The following ALKAL1 variants were observed in gnomAD, a reference collection of about 807,000 sequenced individuals.
The protein encoded by ALKAL1 is ALK and LTK ligand 1.
A neutral mutation model predicts 13.5 loss-of-function variants in ALKAL1; 23 were observed. The observed-to-expected ratio is 1.70, with a 90% CI of 1.23 to 2.41. ALKAL1 has a LOEUF of 2.41. Ranked by LOEUF, ALKAL1 falls within the 30% of genes most tolerant of loss-of-function variation. ALKAL1 has a pLI of 0.00. For missense variants in ALKAL1, 181 were observed against 178.4 expected (o/e 1.01, Z -0.08); for synonymous variants, 85 against 77.7 (o/e 1.09, Z -0.49).
chr8:52,547,465 A>C (rs1191378057), intron 1 of ALKAL1, among the ~76,000 whole-genome samples: 1 of 152,200 alleles, frequency 6.6e-6, no homozygotes, highest in Non-Finnish European at 1.5e-5. Context: ...GCACCACTGC[A>C]CTCCAGCCTG....
At position 52,534,578 on chromosome 8, in the gene ALKAL1, A is replaced by G. The variant is rs1847249568; in HGVS notation, c.*35T>C. ...ATTTGAGGCACTTTTTCTTCAAATT[A>G]GATGTACATTCTTAGGAAATGTCTG... On this transcript the variant is annotated 3_prime_UTR_variant, in exon 5 of 5. Transcript: ENST00000358543. 2 of 602,818 alleles carry G rather than the reference A, an allele frequency of 3.3e-6. No homozygotes were observed. The highest frequency in any genetic ancestry group is 2.1e-5 in the South Asian group (1 of 47,988). The allele number at this position is 602,818 out of a possible 1,614,324, so 37.3% of individuals were successfully genotyped here. A position where few individuals can be genotyped will look rare whatever the true frequency, so the allele number is the denominator to read the frequency against.
intron 2 of ALKAL1, among the ~76,000 whole-genome samples, chr8:52,540,824 C>T (rs974117954): frequency 3.9e-5 from 6 of 152,264 alleles, no homozygotes; most frequent in East Asian, 1.9e-4. Context: ...ACGGTCATGT[C>T]GCTCACAACT....
intron 1 of ALKAL1, among the ~76,000 whole-genome samples, chr8:52,555,198 C>T (rs1475981956): frequency 1.3e-5 from 2 of 151,432 alleles, no homozygotes; most frequent in Non-Finnish European, 2.9e-5. Flanking sequence ...AGATAAAGGC[C>T]GACAAATGCC....
chr8:52,564,852 C>A (rs1054238671), intron 1 of ALKAL1, among the ~76,000 whole-genome samples: 3 of 152,194 alleles, frequency 2.0e-5, no homozygotes, highest in Non-Finnish European at 4.4e-5. Context: ...GAAAGCTGAT[C>A]CCATTGCCAG....
chr8:52,559,271 T>C (rs1847515018), intron 1 of ALKAL1, among the ~76,000 whole-genome samples: 1 of 152,268 alleles, frequency 6.6e-6, no homozygotes, highest in South Asian at 2.1e-4. Flanking sequence ...TTCCCAAAGC[T>C]GGTAGACCAA....
chr8:52,556,552 C>G (rs974486721), intron 1 of ALKAL1, among the ~76,000 whole-genome samples: 6 of 141,970 alleles, frequency 4.2e-5, no homozygotes, highest in African/African-American at 1.6e-4. Context: ...GAGGCTGAGG[C>G]AGGAGAATGG....
rs1235462978 is a variant in ALKAL1, at chr8:52,539,852, T to C, written c.304A>G (p.Arg102Gly). ...TTACAAGCTGGCGTTGAGCACTCCC[T>C]GGTATTGTAATAGAGTCGGTGGAAA... is the stretch of plus-strand genomic sequence containing the variant. ...KHFHRLYYNTRECSTPAYYKR... is the reference protein window; with the variant it reads ...KHFHRLYYNTGECSTPAYYKR... The change falls in exon 3 of 5, where the codon AGG becomes GGG. Residue 102 changes from arginine to glycine, a missense_variant. Arg to Gly is a moderately radical substitution (Grantham distance 125). Transcript: ENST00000358543. The C allele has an allele frequency of 1.2e-6, 2 of 1,612,534 alleles. No homozygotes were observed. Among genetic ancestry groups the C allele is most frequent in the East Asian group, 2.2e-5 (1 of 44,854 alleles).
intron 1 of ALKAL1, among the ~76,000 whole-genome samples, chr8:52,549,937 A>G (rs946142511): frequency 1.3e-5 from 2 of 152,154 alleles, no homozygotes; most frequent in South Asian, 2.1e-4. Flanking sequence ...GTGAGACTCC[A>G]TCTCAAAAAT....
At chr8:52,534,639 G>A in intron 4 of ALKAL1, 39 bp from the exon 5 acceptor site, 1 of 565,842 alleles carries the variant, frequency 1.8e-6, no homozygotes, top group Non-Finnish European at 3.1e-6. Flanking sequence ...TTTATGACCT[G>A]GTTTTTAGAA....
chr8:52,537,769 C>G (rs971131273), intron 4 of ALKAL1, among the ~76,000 whole-genome samples: 6 of 150,928 alleles, frequency 4.0e-5, no homozygotes, highest in South Asian at 2.1e-4. Context: ...AAAAAAAAAG[C>G]TCATAGAAGT....
chr8:52,537,624 G>A (rs1426593838), intron 4 of ALKAL1, among the ~76,000 whole-genome samples: 3 of 152,046 alleles, frequency 2.0e-5, no homozygotes, highest in East Asian at 3.9e-4. Flanking sequence ...TATACACAAC[G>A]GAATACTATT....
intron 4 of ALKAL1, among the ~76,000 whole-genome samples, chr8:52,536,041 C>A (rs563124303): frequency 1.3e-5 from 2 of 152,242 alleles, no homozygotes; most frequent in Non-Finnish European, 2.9e-5. Flanking sequence ...TGGGTTCAAG[C>A]GATTCTCCTG....
chr8:52,542,511 A>G, intron 1 of ALKAL1, 66 bp from the exon 2 acceptor site: 1 of 971,780 alleles, frequency 1.0e-6, no homozygotes, highest in Non-Finnish European at 1.6e-6. Context: ...AATATCCTTA[A>G]TATGCTAATT....
chr8:52,538,685 C>T (rs1199816118), intron 3 of ALKAL1, among the ~76,000 whole-genome samples, 178 bp from the exon 4 acceptor site: 1 of 152,050 alleles, frequency 6.6e-6, no homozygotes, highest in Non-Finnish European at 1.5e-5. Context: ...CGGGAAGGTG[C>T]TATTCCTATC....
intron 4 of ALKAL1, among the ~76,000 whole-genome samples, chr8:52,536,405 T>C (rs553784367): frequency 5.9e-5 from 9 of 152,360 alleles, no homozygotes; most frequent in Admixed American, 5.2e-4. Context: ...TACCTTTCAG[T>C]ATTTTGTATA....
chr8:52,543,819 C>T (rs565791510), intron 1 of ALKAL1, among the ~76,000 whole-genome samples: 1 of 152,252 alleles, frequency 6.6e-6, no homozygotes, highest in African/African-American at 2.4e-5. Flanking sequence ...ACAGCAGAAG[C>T]ACCTACTGTG....
At chr8:52,539,997 C>A in intron 2 of ALKAL1, 86 bp from the exon 3 acceptor site, 4 of 1,132,118 alleles carry the variant, frequency 3.5e-6, no homozygotes, top group Non-Finnish European at 5.2e-6. Flanking sequence ...GGATATAATA[C>A]AACAGCACTT....
At chr8:52,552,822 A>G (rs1847442641) in intron 1 of ALKAL1, among the ~76,000 whole-genome samples, 1 of 151,840 alleles carries the variant, frequency 6.6e-6, no homozygotes, top group Non-Finnish European at 1.5e-5. Flanking sequence ...ATTTCTTACT[A>G]TTTTCTGTCC....
chr8:52,554,418 CAACTGGGA>C (rs1847461320), intron 1 of ALKAL1, among the ~76,000 whole-genome samples: 3 of 152,286 alleles, frequency 2.0e-5, no homozygotes, highest in Admixed American at 2.0e-4. Context: ...ACAAACAAAG[CAACTGGGA>C]AACTCCAGAG....
Sources: gnomAD v4.1 joint callset for allele counts (sites outside exome capture counted in the v4.1 genomes callset) on GRCh38, gnomAD v4.1.1 for gene constraint, MANE v1.5 for transcripts, NCBI Gene and HGNC (gene_info 2026-07-23, HGNC 2026-07-21) for gene names.